The following LDLRAD3 variants were observed in gnomAD, a reference collection of about 807,000 sequenced individuals.
LDLRAD3 encodes the protein low density lipoprotein receptor class A domain containing 3.
A neutral mutation model predicts 29.4 loss-of-function variants in LDLRAD3; 20 were observed. That is an observed-to-expected ratio of 0.68 (90% CI 0.48 to 0.99). The LOEUF (loss-of-function observed/expected upper bound fraction) is 0.99, where lower values mean the gene tolerates loss of function less well. LDLRAD3 is among the 50% of genes least tolerant of loss of function. LDLRAD3 has a pLI of 0.00. For synonymous variants in LDLRAD3, 157 were observed against 192.7 expected, an observed-to-expected ratio of 0.81 and a Z score of 1.53; for missense variants, 420 against 454.3, an observed-to-expected ratio of 0.92 and a Z score of 0.69.
chr11:36,105,187 C>T (rs1453527525), intron 4 of LDLRAD3, among the ~76,000 whole-genome samples: 1 of 147,856 alleles, frequency 6.8e-6, no homozygotes, highest in Non-Finnish European at 1.5e-5. Flanking sequence ...CAGCTTTGTC[C>T]TGTTCCTTCT....
chr11:35,987,780 G>A (rs922997128), intron 1 of LDLRAD3, among the ~76,000 whole-genome samples: 3 of 152,104 alleles, frequency 2.0e-5, no homozygotes. Flanking sequence ...TATATACCTG[G>A]TAATGAGATT....
intron 4 of LDLRAD3, among the ~76,000 whole-genome samples, chr11:36,204,929 G>T (rs1855184453): frequency 6.6e-6 from 1 of 152,180 alleles, no homozygotes; most frequent in South Asian, 2.1e-4. Flanking sequence ...TTGTTCTGCA[G>T]AAGTCCCTTG....
intron 4 of LDLRAD3, among the ~76,000 whole-genome samples, chr11:36,144,541 G>A (rs894923471): frequency 9.4e-5 from 14 of 148,488 alleles, no homozygotes; most frequent in Non-Finnish European, 1.3e-4. Context: ...CTGCCCTGCC[G>A]CCCCGTCTGG....
At chr11:35,983,553 G>A (rs7941145) in intron 1 of LDLRAD3, among the ~76,000 whole-genome samples, 14,933 of 152,166 alleles carry the variant, frequency 0.098, 2,386 homozygotes, top group African/African-American at 0.34. Context: ...GGTGTGTGGC[G>A]GTCAAGGTAT....
At chr11:36,156,848 CA>C (rs941938707) in intron 4 of LDLRAD3, among the ~76,000 whole-genome samples, 15 of 149,650 alleles carry the variant, frequency 1.0e-4, no homozygotes, top group Admixed American at 2.0e-4. Context: ...TTTGTCATGC[CA>C]AAAAAAAAGG....
intron 4 of LDLRAD3, among the ~76,000 whole-genome samples, chr11:36,221,852 T>G (rs544210848): frequency 7.2e-5 from 11 of 152,304 alleles, no homozygotes; most frequent in Admixed American, 3.9e-4. Context: ...TCCAGATATA[T>G]TCTATACATT....
intron 4 of LDLRAD3, among the ~76,000 whole-genome samples, chr11:36,192,175 T>C (rs1415693196): frequency 1.3e-5 from 2 of 152,202 alleles, no homozygotes; most frequent in African/African-American, 4.8e-5. Context: ...GTTACTTTGA[T>C]AGAAATAAAA....
chr11:36,129,175 G>A (rs748755330), intron 4 of LDLRAD3, among the ~76,000 whole-genome samples: 1 of 152,168 alleles, frequency 6.6e-6, no homozygotes, highest in Non-Finnish European at 1.5e-5. Context: ...GTGTGGGAAG[G>A]TTAATTTAGA....
At chr11:36,022,780 A>C (rs762430380) in intron 1 of LDLRAD3, among the ~76,000 whole-genome samples, 10 of 152,132 alleles carry the variant, frequency 6.6e-5, no homozygotes, top group Non-Finnish European at 1.3e-4. Context: ...TACCCTTTGC[A>C]ATCTGGAAAC....
At chr11:35,991,488 TA>T (rs747377923) in intron 1 of LDLRAD3, among the ~76,000 whole-genome samples, 21 of 152,206 alleles carry the variant, frequency 1.4e-4, no homozygotes, top group Non-Finnish European at 2.5e-4. Context: ...TATAATGGTT[TA>T]TCATATTTTT....
chr11:36,035,095 T>G (rs758632174), intron 1 of LDLRAD3, among the ~76,000 whole-genome samples: 2 of 152,082 alleles, frequency 1.3e-5, no homozygotes, highest in Non-Finnish European at 2.9e-5. Flanking sequence ...AGCACAAGTA[T>G]CTGGTCATAA....
At chr11:36,180,794 C>T (rs1453201704) in intron 4 of LDLRAD3, among the ~76,000 whole-genome samples, 1 of 151,996 alleles carries the variant, frequency 6.6e-6, no homozygotes, top group East Asian at 1.9e-4. Flanking sequence ...CCAAGGCCAG[C>T]GTGTGCCAAT....
At chr11:36,052,948 GCT>G (rs1313584212) in intron 2 of LDLRAD3, among the ~76,000 whole-genome samples, 1 of 147,266 alleles carries the variant, frequency 6.8e-6, no homozygotes, top group Non-Finnish European at 1.5e-5. Context: ...CTAGGACCCA[GCT>G]CTCTGATTTG....
chr11:36,186,112 A>G (rs1854844276), intron 4 of LDLRAD3, among the ~76,000 whole-genome samples: 1 of 152,188 alleles, frequency 6.6e-6, no homozygotes, highest in Admixed American at 6.5e-5. Flanking sequence ...GGAGTCACCA[A>G]CTGCCTGGGT....
intron 2 of LDLRAD3, among the ~76,000 whole-genome samples, chr11:36,068,575 G>T (rs560929046): frequency 3.1e-4 from 47 of 152,246 alleles, no homozygotes; most frequent in African/African-American, 1.1e-3. Context: ...GGAGTGCAGT[G>T]GCGCAATCTC....
intron 2 of LDLRAD3, among the ~76,000 whole-genome samples, chr11:36,046,737 T>TA (rs1323494257): frequency 2.6e-5 from 4 of 152,170 alleles, no homozygotes; most frequent in African/African-American, 9.7e-5. Flanking sequence ...TTTGCAAACT[T>TA]AGCTGCCTGG....
intron 1 of LDLRAD3, among the ~76,000 whole-genome samples, chr11:36,024,252 G>T (rs760645291): frequency 5.3e-5 from 8 of 152,082 alleles, no homozygotes; most frequent in Non-Finnish European, 1.0e-4. Flanking sequence ...TATACCACCT[G>T]CTCTCTTATA....
chr11:36,180,307 T>C (rs982553772), intron 4 of LDLRAD3, among the ~76,000 whole-genome samples: 2 of 116,834 alleles, frequency 1.7e-5, no homozygotes, highest in African/African-American at 5.5e-5. Context: ...CTGGCTTTCT[T>C]AGAACACCTT....
intron 1 of LDLRAD3, among the ~76,000 whole-genome samples, chr11:35,980,775 G>A (rs192190766): frequency 6.6e-6 from 1 of 152,322 alleles, no homozygotes; most frequent in African/African-American, 2.4e-5. Flanking sequence ...ATAGCTATGA[G>A]AGTTTCTACT....
Sources: allele counts gnomAD v4.1 joint callset (sites outside exome capture counted in the v4.1 genomes callset), GRCh38; gene constraint gnomAD v4.1.1; transcripts MANE v1.5; gene names NCBI Gene and HGNC (gene_info 2026-07-23, HGNC 2026-07-21).